Variants in PCDHGA10 observed in about 807,000 individuals in gnomAD.
PCDHGA10 encodes protocadherin gamma-A10.
PCDHGA10 carries 42 observed loss-of-function variants against 59.5 expected under a neutral mutation model. The ratio of observed to expected loss-of-function variants is 0.71; its 90% confidence interval spans 0.55 to 0.91. The LOEUF (loss-of-function observed/expected upper bound fraction) is 0.91. Among genes scored for constraint, PCDHGA10 ranks in the 40% least tolerant of loss-of-function variants. The probability of loss-of-function intolerance (pLI) is 0.00; values close to 1 mark genes in which losing one functional copy is unlikely to be tolerated. For missense variants in PCDHGA10, 1,111 were observed against 1,198.2 expected (o/e 0.93, Z 1.07); for synonymous variants, 511 against 517.2 (o/e 0.99, Z 0.16).
intron 1 of PCDHGA10, chr5:141,440,464 G>C (rs2003094): frequency 1.3e-5 from 2 of 152,150 alleles, no homozygotes; most frequent in Admixed American, 6.5e-5. Context: ...ATGAACAAAC[G>C]GTAGTTGAAA....
chr5:141,494,948 G>C (rs909146), intron 2 of PCDHGA10, 83 bp downstream of exon 2: 1 of 1,608,226 alleles, frequency 6.2e-7, no homozygotes, highest in South Asian at 1.1e-5. Flanking sequence ...GGAGGGCCCA[G>C]CATTTGCTAC....
chr5:141,464,519 A>G (rs974292961), intron 1 of PCDHGA10, among the ~76,000 whole-genome samples: 21 of 152,058 alleles, frequency 1.4e-4, no homozygotes, highest in African/African-American at 4.1e-4. Context: ...AGGTAAAGGC[A>G]TATGTAGTTT....
chr5:141,413,770 G>A lies in PCDHGA10; in HGVS notation c.595G>A (p.Val199Ile). ...CAATGGCGTCAAGTACCCGGAGCTG[G>A]TACTGGAGCACTCCCTAGATCGCGA... ...RANGVKYPEL[V>I]LEHSLDREEE... The change falls in exon 1 of 4, where the codon GTA (valine) becomes ATA (isoleucine). Residue 199 changes from valine (V) to isoleucine (I), a missense_variant. Physicochemically the swap from Val to Ile is conservative, Grantham distance 29 (BLOSUM62 3). Coordinates refer to ENST00000398610, the MANE Select transcript of PCDHGA10 (RefSeq NM_018913.3). 1 of 1,612,708 alleles carries A rather than the reference G, an allele frequency of 6.2e-7. No homozygotes were observed. Among genetic ancestry groups the A allele is most frequent in the Non-Finnish European group, 8.5e-7 (1 of 1,179,878 alleles).
chr5:141,482,530 C>CAAAAAAAAAAAAAAAAA (rs3074545), intron 1 of PCDHGA10, among the ~76,000 whole-genome samples: 1 of 76,562 alleles, frequency 1.3e-5, no homozygotes, highest in African/African-American at 4.8e-5. Flanking sequence ...GACAGACATG[C>CAAAAAAAAAAAAAAAAA]AAAAAAAAAA....
At chr5:141,451,945 C>T (rs906800803) in intron 1 of PCDHGA10, among the ~76,000 whole-genome samples, 1 of 151,970 alleles carries the variant, frequency 6.6e-6, no homozygotes, top group Non-Finnish European at 1.5e-5. Flanking sequence ...AGGGAAAGAC[C>T]GAGAAAGTGA....
At chr5:141,450,888 G>C (rs1038570371) in intron 1 of PCDHGA10, among the ~76,000 whole-genome samples, 27 of 145,380 alleles carry the variant, frequency 1.9e-4, no homozygotes, top group Non-Finnish European at 3.9e-4. Flanking sequence ...GCAGTGGTGC[G>C]ATATCGGCTC....
rs999687684 is a variant in PCDHGA10 at position 141,431,598 on chromosome 5, C to G, written c.2436+15987C>G. 1 of 1,614,074 alleles carries G rather than the reference C, an allele frequency of 6.2e-7. No individual in the cohort carries two copies. The highest frequency in any genetic ancestry group is 1.3e-5 in the African/African-American group (1 of 74,938). On this transcript the variant is annotated intron_variant, in intron 1 of 3. Transcript: ENST00000398610. This position sits in a 1 kb window ranked among gnomAD's most constrained non-coding sequence, Gnocchi z 4.8. ...GGAGTCAATGCGGAAGTGAGGTATT[C>G]CTTCCGGTATGTGGACGACAAGGCG...
At position 141,414,285 on chromosome 5, in the gene PCDHGA10, A is replaced by G. The variant is rs766515802; in HGVS notation, c.1110A>G (p.Val370=). The change falls in exon 1 of 4, where the codon GTA becomes GTG. Residue 370 remains valine (V), a synonymous_variant. Coordinates refer to ENST00000398610, the MANE Select transcript of PCDHGA10 (RefSeq NM_018913.3). ...AAGATTCACCTCTGGGAACAGTCGT[A>G]GCCCTTTTAAATGTGCATGATTTAG... ...VTEDSPLGTV[V]ALLNVHDLDS... is the part of the protein sequence containing the mutation. 6.2e-7 allele frequency: 1 copy of G among 1,613,634 alleles called. No homozygotes were observed. The highest frequency in any genetic ancestry group is 2.2e-5 in the East Asian group (1 of 44,846).
intron 3 of PCDHGA10, 154 bp from the exon 4 acceptor site, chr5:141,510,793 G>A: frequency 1.1e-6 from 1 of 935,078 alleles, no homozygotes; most frequent in Non-Finnish European, 1.3e-6. Context: ...CTCTTGTGAA[G>A]AGAGACTACC....
At chr5:141,494,364 G>A (rs1461560857) in intron 1 of PCDHGA10, among the ~76,000 whole-genome samples, 1 of 152,202 alleles carries the variant, frequency 6.6e-6, no homozygotes, top group African/African-American at 2.4e-5. Context: ...TGCAGAGGAT[G>A]CTTTGTTCCC....
Position 141,415,396 on chromosome 5 carries a change from G to A in PCDHGA10, c.2221G>A (p.Gly741Ser), listed in dbSNP as rs11575962. 4,865 of 1,614,204 alleles carry A rather than the reference G, an allele frequency of 3.0e-3. 27 individuals are homozygous for A. The highest frequency in any genetic ancestry group is 0.011 in the Admixed American group (656 of 60,024). ...ASGGGLTGVSGSHFVGVDGVR... is the reference protein window; with the variant it reads ...ASGGGLTGVSSSHFVGVDGVR... ...AGGAGGCGGCTTGACAGGTGTGTCC[G>A]GCTCGCACTTTGTGGGCGTGGACGG... The change falls in exon 1 of 4, where the codon GGC becomes AGC. Residue 741 changes from glycine to serine, a missense_variant. Coordinates refer to ENST00000398610, the MANE Select transcript of PCDHGA10 (RefSeq NM_018913.3).
At chr5:141,446,718 C>T (rs1279970040) in intron 1 of PCDHGA10, among the ~76,000 whole-genome samples, 4 of 152,174 alleles carry the variant, frequency 2.6e-5, no homozygotes, top group South Asian at 2.1e-4. Flanking sequence ...CTGCCCGCCT[C>T]GGCCTCCCAA....
rs2099883943 is a variant in PCDHGA10, at chr5:141,511,766, G to A, written c.*593G>A. ...TGGAGGACATGATCACCATCCCCAT[G>A]GTACTGATGCTTGCTGGATTTAGGG... On this transcript the variant is annotated 3_prime_UTR_variant, in exon 4 of 4. Coordinates refer to ENST00000398610, the MANE Select transcript of PCDHGA10 (RefSeq NM_018913.3). 2 of 161,712 alleles carry A rather than the reference G, an allele frequency of 1.2e-5. No homozygotes were observed. Among genetic ancestry groups the A allele is most frequent in the Non-Finnish European group, 2.8e-5 (2 of 72,704 alleles). The allele number at this position is 161,712 out of a possible 1,614,324, so 10.0% of individuals were successfully genotyped here.
At position 141,499,506 on chromosome 5, in the gene PCDHGA10, CA is replaced by C. The variant is rs759983739; in HGVS notation, c.2495+4644del. Among the ~76,000 whole-genome samples, 6 of 152,086 alleles carry C rather than the reference CA, an allele frequency of 3.9e-5. No homozygotes were observed. The South Asian group carries it at 1.0e-3, about 26-fold the overall frequency. On this transcript the variant is annotated intron_variant, in intron 2 of 3. Coordinates refer to ENST00000398610, the MANE Select transcript of PCDHGA10 (RefSeq NM_018913.3). Reference sequence around the variant, plus strand: ...AACTACAGTTTAATATGAAACATTTCAAATATGTACAAAAGTAGAGAGAATG... The same window carrying C: ...AACTACAGTTTAATATGAAACATTTCAATATGTACAAAAGTAGAGAGAATG...
intron 1 of PCDHGA10, chr5:141,478,551 G>A (rs759604162): frequency 6.2e-6 from 10 of 1,603,054 alleles, no homozygotes; most frequent in South Asian, 3.3e-5. Context: ...GGACAGGTAA[G>A]GTTTAGCAAG....
chr5:141,437,956 T>A (rs998689841), intron 1 of PCDHGA10, among the ~76,000 whole-genome samples: 6 of 152,178 alleles, frequency 3.9e-5, no homozygotes, highest in African/African-American at 1.4e-4. Context: ...CAGAATGGTC[T>A]TGATCTCTTG....
At position 141,415,325 on chromosome 5, in the gene PCDHGA10, C is replaced by A. The variant is rs1046074461; in HGVS notation, c.2150C>A (p.Ala717Glu). The change falls in exon 1 of 4, where the codon GCG becomes GAG. Residue 717 changes from alanine to glutamate, a missense_variant. Coordinates refer to ENST00000398610, the MANE Select transcript of PCDHGA10 (RefSeq NM_018913.3). ...VFLAFVIVLL[A>E]HRLRRWHKSR... ...CTGGCCTTCGTCATCGTGCTGCTGG[C>A]GCACAGGCTGCGGCGCTGGCACAAG... The A allele has an allele frequency of 1.2e-6, 2 of 1,614,094 alleles. No individual in the cohort carries two copies. The highest frequency in any genetic ancestry group is 1.7e-6 in the Non-Finnish European group (2 of 1,180,052).
intron 1 of PCDHGA10, chr5:141,423,330 C>G (rs932335651): frequency 9.9e-6 from 16 of 1,614,056 alleles, no homozygotes; most frequent in Middle Eastern, 1.6e-4. Flanking sequence ...TGGCCGCAGT[C>G]TCCTGCATCT....
Position 141,512,495 on chromosome 5 carries a change from C to T in PCDHGA10, c.*1322C>T, listed in dbSNP as rs2099884264. 1 of 152,920 alleles carries T rather than the reference C, an allele frequency of 6.5e-6. No homozygotes were observed. The highest frequency in any genetic ancestry group is 1.5e-5 in the Non-Finnish European group (1 of 68,240). The allele number at this position is 152,920 out of a possible 1,614,324, so 9.5% of individuals were successfully genotyped here. A position where few individuals can be genotyped will look rare whatever the true frequency, so the allele number is the denominator to read the frequency against. On this transcript the variant is annotated 3_prime_UTR_variant, in exon 4 of 4. Coordinates refer to ENST00000398610, the MANE Select transcript of PCDHGA10 (RefSeq NM_018913.3). ...TTCCGTGAAGGCCACTGCCCAGGTCCCCAGTGCGCCCCCTAGTGGCCATAG... is the reference window on the plus strand; with the variant it reads ...TTCCGTGAAGGCCACTGCCCAGGTCTCCAGTGCGCCCCCTAGTGGCCATAG...
Sources: allele counts gnomAD v4.1 joint callset (sites outside exome capture counted in the v4.1 genomes callset), GRCh38; gene constraint gnomAD v4.1.1; non-coding constraint Gnocchi (gnomAD v3.1); transcripts MANE v1.5; gene names NCBI Gene and HGNC (gene_info 2026-07-23, HGNC 2026-07-21).